The following MRPL48 variants were observed in gnomAD, a reference collection of about 807,000 sequenced individuals.
MRPL48 encodes the protein large ribosomal subunit protein mL48.
A neutral mutation model predicts 32.9 loss-of-function variants in MRPL48; 16 were observed. The observed-to-expected ratio is 0.49, with a 90% CI of 0.33 to 0.74. The LOEUF is 0.74. Ranked by LOEUF, MRPL48 falls within the 30% of genes least tolerant of loss-of-function variation. The pLI is 0.02. For synonymous variants in MRPL48, 94 were observed against 89.2 expected (o/e 1.05, Z -0.31); for missense variants, 206 against 245.3 (o/e 0.84, Z 1.07).
chr11:73,818,291 G>T (rs1947712285), intron 3 of MRPL48, among the ~76,000 whole-genome samples: 1 of 152,026 alleles, frequency 6.6e-6, no homozygotes, highest in African/African-American at 2.4e-5. Context: ...TTTTCTTATT[G>T]ATTTAAAAAT....
Position 73,806,765 on chromosome 11 carries a change from T to C in MRPL48, c.75-1548T>C, listed in dbSNP as rs572336556. On this transcript the variant is annotated intron_variant, in intron 2 of 7. Transcript: ENST00000310614. The stretch of plus-strand genomic sequence containing the variant: ...TAACTGGGGTCCAGAGAGTTTAATC[T>C]GTTGTTTTAATATGATGGAGCTAAT... Among the ~76,000 whole-genome samples, 14 of 152,322 alleles carry C rather than the reference T, an allele frequency of 9.2e-5. No homozygotes were observed. The South Asian group carries it at 2.9e-3, about 32-fold the overall frequency.
At chr11:73,803,103 T>G (rs922657987) in intron 1 of MRPL48, among the ~76,000 whole-genome samples, 1 of 152,144 alleles carries the variant, frequency 6.6e-6, no homozygotes, top group Non-Finnish European at 1.5e-5. Context: ...GTTCCCCTAT[T>G]ACTATTATCT....
chr11:73,793,995 C>T (rs1947199265), intron 1 of MRPL48, among the ~76,000 whole-genome samples: 2 of 151,462 alleles, frequency 1.3e-5, no homozygotes, highest in South Asian at 2.1e-4. Flanking sequence ...ACGTGAGCCA[C>T]CACGCCCGGC....
At chr11:73,817,978 A>C in intron 3 of MRPL48, 1 of 160,828 alleles carries the variant, frequency 6.2e-6, no homozygotes, top group Non-Finnish European at 1.4e-5. Flanking sequence ...CTAATTTTTT[A>C]TTTTTTAAAT....
chr11:73,813,980 G>T (rs1947613837), intron 3 of MRPL48, among the ~76,000 whole-genome samples: 1 of 150,268 alleles, frequency 6.7e-6, no homozygotes, highest in African/African-American at 2.5e-5. Context: ...GGCAGAGCTT[G>T]CAGTGAGCCG....
chr11:73,832,580 C>T (rs1383699487), intron 4 of MRPL48: 1 of 159,132 alleles, frequency 6.3e-6, no homozygotes, highest in African/African-American at 2.4e-5. Flanking sequence ...GAGGGATGCA[C>T]ATGGAGTGGT....
chr11:73,788,013 G>C (rs757874409), intron 1 of MRPL48, 21 bp downstream of exon 1: 1 of 1,612,696 alleles, frequency 6.2e-7, no homozygotes, highest in South Asian at 1.1e-5. Flanking sequence ...TTCCACGCAC[G>C]CGGGGCGCGG....
At chr11:73,857,330 C>T (rs1007846395) in intron 5 of MRPL48, among the ~76,000 whole-genome samples, 2 of 151,954 alleles carry the variant, frequency 1.3e-5, no homozygotes, top group Non-Finnish European at 2.9e-5. Context: ...CAGGTTTTCA[C>T]CATGTTAGCC....
chr11:73,821,297 A>C (rs1204384928), intron 3 of MRPL48, among the ~76,000 whole-genome samples: 1 of 152,054 alleles, frequency 6.6e-6, no homozygotes, highest in Non-Finnish European at 1.5e-5. Context: ...ACCTGGCCAC[A>C]ATTTGTAATC....
At chr11:73,839,354 GT>G (rs199659373) in intron 4 of MRPL48, among the ~76,000 whole-genome samples, 22 of 151,464 alleles carry the variant, frequency 1.5e-4, no homozygotes, top group Admixed American at 2.6e-4. Context: ...AGTAGGGATA[GT>G]TTTTTTTTCT....
intron 3 of MRPL48, among the ~76,000 whole-genome samples, chr11:73,811,072 C>T (rs1947557481): frequency 6.6e-6 from 1 of 152,034 alleles, no homozygotes; most frequent in Non-Finnish European, 1.5e-5. Flanking sequence ...TCTAATGAAG[C>T]TGAGAAAGAG....
chr11:73,851,494 CAG>C (rs1948389173), intron 5 of MRPL48, among the ~76,000 whole-genome samples: 1 of 152,198 alleles, frequency 6.6e-6, no homozygotes, highest in African/African-American at 2.4e-5. Flanking sequence ...TCATAGCTGA[CAG>C]TACTTCAGTT....
rs548569601 is a variant in MRPL48 at position 73,797,639 on chromosome 11, C to T, written c.22-7388C>T. ...CAGCTGCCCGCCCTGCTGCAGCAGC[C>T]GGCATGTCTGACTGTGCACATTGGC... is the stretch of plus-strand genomic sequence containing the variant. On this transcript the variant is annotated intron_variant, in intron 1 of 7. Transcript: ENST00000310614. Among the ~76,000 whole-genome samples the T allele has an allele frequency of 2.0e-4, 31 of 152,360 alleles. No homozygotes were observed. In the East Asian group the frequency reaches 2.7e-3, roughly 13 times the overall value.
At chr11:73,816,249 G>A (rs1947668784) in intron 3 of MRPL48, among the ~76,000 whole-genome samples, 1 of 150,020 alleles carries the variant, frequency 6.7e-6, no homozygotes, top group African/African-American at 2.5e-5. Flanking sequence ...TTTTAGTAGA[G>A]ACGGGGTTTC....
intron 4 of MRPL48, chr11:73,842,908 C>G (rs375329657): frequency 2.0e-5 from 3 of 152,278 alleles, no homozygotes; most frequent in Non-Finnish European, 4.4e-5. Flanking sequence ...ACCCCTCAGA[C>G]TCAAGCCATC....
chr11:73,821,762 C>T (rs936133896), intron 3 of MRPL48, among the ~76,000 whole-genome samples: 5 of 152,070 alleles, frequency 3.3e-5, no homozygotes, highest in Non-Finnish European at 1.5e-5. Context: ...TGTTGTAGCC[C>T]CAGCTTCTAG....
At chr11:73,841,134 A>C (rs1213035143) in intron 4 of MRPL48, among the ~76,000 whole-genome samples, 1 of 152,218 alleles carries the variant, frequency 6.6e-6, no homozygotes, top group African/African-American at 2.4e-5. Context: ...ACCTGACTAT[A>C]CTGTTTTCTA....
At chr11:73,797,278 C>T (rs892311629) in intron 1 of MRPL48, among the ~76,000 whole-genome samples, 6 of 152,320 alleles carry the variant, frequency 3.9e-5, no homozygotes, top group Middle Eastern at 3.4e-3. Context: ...GCTCACCCTC[C>T]GCTTGTCTGC....
intron 3 of MRPL48, among the ~76,000 whole-genome samples, chr11:73,812,051 C>G (rs1445146127): frequency 6.6e-6 from 1 of 151,984 alleles, no homozygotes; most frequent in Non-Finnish European, 1.5e-5. Context: ...ACGCCCCACT[C>G]ATTTTTTGTA....
Sources: gnomAD v4.1 joint callset for allele counts (sites outside exome capture counted in the v4.1 genomes callset) on GRCh38, gnomAD v4.1.1 for gene constraint, MANE v1.5 for transcripts, NCBI Gene and HGNC (gene_info 2026-07-23, HGNC 2026-07-21) for gene names.